The following ANGPT1 variants were observed in gnomAD, a reference collection of about 807,000 sequenced individuals.
ANGPT1 encodes the protein angiopoietin-1.
In ANGPT1, 17 loss-of-function variants were observed where a neutral mutation model predicts 62.2. The ratio of observed to expected loss-of-function variants is 0.27; its 90% CI spans 0.19 to 0.41. The LOEUF is 0.41. Among genes scored for constraint, ANGPT1 ranks in the 10% least tolerant of loss-of-function variants. The pLI is 1.00. For synonymous variants in ANGPT1, 199 were observed against 198.9 expected, an observed-to-expected ratio of 1.00 and a Z score of 0.00; for missense variants, 478 against 594.9, an observed-to-expected ratio of 0.80 and a Z score of 2.04.
Position 107,321,930 on chromosome 8 carries a change from G to A in ANGPT1, c.774C>T (p.Val258=). 1 of 1,613,970 alleles carries A rather than the reference G, an allele frequency of 6.2e-7. No homozygotes were observed. Among genetic ancestry groups the A allele is most frequent in the Non-Finnish European group, 8.5e-7 (1 of 1,179,854 alleles). The part of the protein sequence containing the change: ...QKQQLELMDT[V]HNLVNLCTKE... ...TAGTGCAAAGATTGACAAGGTTGTG[G>A]ACTGTGTCCATCAGCTCCAGTTGCT... Residue 258 remains valine, a synonymous_variant, in exon 4 of 9, where the codon GTC becomes GTT. Transcript: ENST00000517746.
chr8:107,363,454 G>C (rs552318339), intron 1 of ANGPT1, among the ~76,000 whole-genome samples: 1 of 152,070 alleles, frequency 6.6e-6, no homozygotes, highest in Non-Finnish European at 1.5e-5. Context: ...TTATATTTAC[G>C]TGAGAAGCAG....
At chr8:107,421,858 T>C (rs1563615350) in intron 1 of ANGPT1, among the ~76,000 whole-genome samples, 1 of 152,170 alleles carries the variant, frequency 6.6e-6, no homozygotes, top group East Asian at 1.9e-4. Context: ...TCTAACATTG[T>C]CCATAAGCAT....
chr8:107,288,477 T>A (rs1327156088), intron 6 of ANGPT1, among the ~76,000 whole-genome samples: 1 of 152,114 alleles, frequency 6.6e-6, no homozygotes, highest in Non-Finnish European at 1.5e-5. Flanking sequence ...CAACCAGGAA[T>A]GCATATCAGA....
At chr8:107,420,194 G>C (rs1342525321) in intron 1 of ANGPT1, among the ~76,000 whole-genome samples, 1 of 152,048 alleles carries the variant, frequency 6.6e-6, no homozygotes, top group Admixed American at 6.6e-5. Flanking sequence ...AAAACTATTT[G>C]TATCTATTAT....
chr8:107,257,023 AT>A, intron 8 of ANGPT1, among the ~76,000 whole-genome samples: 1 of 151,982 alleles, frequency 6.6e-6, no homozygotes, highest in Non-Finnish European at 1.5e-5. Context: ...CGCCTGGCTA[AT>A]TTTTGTATTT....
At chr8:107,327,697 C>T (rs1012376206) in intron 3 of ANGPT1, among the ~76,000 whole-genome samples, 4 of 152,102 alleles carry the variant, frequency 2.6e-5, no homozygotes, top group African/African-American at 9.7e-5. Context: ...GAGAGTTTCT[C>T]ACAGGAGTCT....
intron 1 of ANGPT1, among the ~76,000 whole-genome samples, chr8:107,355,288 T>C (rs1327245570): frequency 6.6e-6 from 1 of 152,122 alleles, no homozygotes; most frequent in African/African-American, 2.4e-5. Flanking sequence ...TCACAGTCAC[T>C]GACTAAGGTC....
At chr8:107,495,828 A>G (rs892642686) in intron 1 of ANGPT1, among the ~76,000 whole-genome samples, 1 of 152,184 alleles carries the variant, frequency 6.6e-6, no homozygotes, top group Non-Finnish European at 1.5e-5. Context: ...CAATTGTAAA[A>G]AACCTGAGAG....
chr8:107,271,843 G>T (rs1813743332), intron 7 of ANGPT1, among the ~76,000 whole-genome samples: 1 of 145,756 alleles, frequency 6.9e-6, no homozygotes, highest in African/African-American at 2.5e-5. Context: ...ATAATATTTT[G>T]TTGAATGAAT....
chr8:107,402,575 C>T (rs1817067786), intron 1 of ANGPT1, among the ~76,000 whole-genome samples: 1 of 152,226 alleles, frequency 6.6e-6, no homozygotes, highest in East Asian at 1.9e-4. Flanking sequence ...TTGTTTAAGC[C>T]TCACAGAAAC....
At chr8:107,264,165 AC>A in intron 8 of ANGPT1, 55 bp downstream of exon 8, 1 of 1,552,790 alleles carries the variant, frequency 6.4e-7, no homozygotes, top group Non-Finnish European at 8.7e-7. Context: ...TAGATAAGAA[AC>A]CTTAAGCCCC....
At chr8:107,268,480 G>A (rs1208478728) in intron 7 of ANGPT1, among the ~76,000 whole-genome samples, 1 of 149,634 alleles carries the variant, frequency 6.7e-6, no homozygotes, top group South Asian at 2.1e-4. Context: ...TATCTTTCCA[G>A]TTTTGTTTTT....
intron 7 of ANGPT1, among the ~76,000 whole-genome samples, chr8:107,282,039 C>T (rs927293563): frequency 2.6e-5 from 4 of 151,222 alleles, no homozygotes; most frequent in Non-Finnish European, 4.4e-5. Flanking sequence ...ACTGGGCATA[C>T]GTGATGATAC....
At chr8:107,342,118 G>C (rs1405464001) in intron 2 of ANGPT1, among the ~76,000 whole-genome samples, 1 of 152,138 alleles carries the variant, frequency 6.6e-6, no homozygotes, top group African/African-American at 2.4e-5. Context: ...GTTCTTAGTT[G>C]GGTCAGACAT....
At chr8:107,299,666 T>C (rs1814519234) in intron 5 of ANGPT1, among the ~76,000 whole-genome samples, 1 of 137,064 alleles carries the variant, frequency 7.3e-6, no homozygotes, top group South Asian at 2.3e-4. Context: ...TATATAGACA[T>C]ATAGTTATAT....
intron 1 of ANGPT1, among the ~76,000 whole-genome samples, chr8:107,468,193 A>G (rs1314607071): frequency 2.0e-5 from 3 of 152,070 alleles, no homozygotes; most frequent in Non-Finnish European, 4.4e-5. Context: ...TACGAACAGA[A>G]TCTACAGAAA....
chr8:107,373,464 A>T (rs1283444669), intron 1 of ANGPT1, among the ~76,000 whole-genome samples: 1 of 152,190 alleles, frequency 6.6e-6, no homozygotes, highest in Non-Finnish European at 1.5e-5. Context: ...TGGATAGCAA[A>T]TGCAGTGCTG....
chr8:107,479,404 T>G (rs1812617504), intron 1 of ANGPT1, among the ~76,000 whole-genome samples: 1 of 152,190 alleles, frequency 6.6e-6, no homozygotes, highest in African/African-American at 2.4e-5. Flanking sequence ...CAATATGTAA[T>G]GTAATAAGCA....
chr8:107,332,491 T>C (rs1815446529), intron 3 of ANGPT1, among the ~76,000 whole-genome samples: 1 of 152,232 alleles, frequency 6.6e-6, no homozygotes, highest in South Asian at 2.1e-4. Flanking sequence ...TTTGTGCTTC[T>C]GGCCATGTAG....
Sources: gnomAD v4.1 joint callset for allele counts (sites outside exome capture counted in the v4.1 genomes callset) on GRCh38, gnomAD v4.1.1 for gene constraint, MANE v1.5 for transcripts, NCBI Gene and HGNC (gene_info 2026-07-23, HGNC 2026-07-21) for gene names.